MMP16: variants seen among roughly 807,000 people sequenced by gnomAD.
MMP16 encodes matrix metalloproteinase-16.
In MMP16, 12 loss-of-function variants were observed where a neutral mutation model predicts 67.8. The observed-to-expected ratio is 0.18, with a 90% CI of 0.11 to 0.29. MMP16 has a LOEUF of 0.29. Among genes scored for constraint, MMP16 ranks in the 10% least tolerant of loss-of-function variants. The probability of loss-of-function intolerance (pLI) is 1.00; values close to 1 mark genes in which losing one functional copy is unlikely to be tolerated. For synonymous variants in MMP16, 249 were observed against 255.9 expected (o/e 0.97, Z 0.26); for missense variants, 475 against 765.7 (o/e 0.62, Z 4.48).
At chr8:88,187,854 A>G (rs1355656683) in intron 2 of MMP16, among the ~76,000 whole-genome samples, 1 of 152,182 alleles carries the variant, frequency 6.6e-6, no homozygotes, top group Non-Finnish European at 1.5e-5. Context: ...ATTCCATCCT[A>G]GTTTAAATGC....
chr8:88,061,045 G>T (rs1489547587), intron 7 of MMP16, among the ~76,000 whole-genome samples: 1 of 151,646 alleles, frequency 6.6e-6, no homozygotes, highest in Admixed American at 6.6e-5. Context: ...ATTTATTTAA[G>T]TGATTATATT....
intron 6 of MMP16, among the ~76,000 whole-genome samples, chr8:88,078,221 A>G (rs1808684224): frequency 6.6e-6 from 1 of 152,180 alleles, no homozygotes; most frequent in African/African-American, 2.4e-5. Flanking sequence ...GTTGTGAAAA[A>G]AACAGTACTT....
intron 1 of MMP16, among the ~76,000 whole-genome samples, chr8:88,241,139 T>G (rs1810027361): frequency 6.6e-6 from 1 of 151,970 alleles, no homozygotes; most frequent in African/African-American, 2.4e-5. Context: ...GGATAGTTCT[T>G]AAAAAATAAA....
intron 1 of MMP16, among the ~76,000 whole-genome samples, chr8:88,302,880 G>T (rs772711967): frequency 6.6e-6 from 1 of 152,178 alleles, no homozygotes; most frequent in Non-Finnish European, 1.5e-5. Flanking sequence ...GAAAAGCAGG[G>T]AGGGGCAACA....
At chr8:88,096,606 G>A (rs1484398146) in intron 6 of MMP16, among the ~76,000 whole-genome samples, 1 of 151,728 alleles carries the variant, frequency 6.6e-6, no homozygotes, top group South Asian at 2.1e-4. Context: ...TTTCATCTGA[G>A]GCCTTAGGTA....
chr8:88,181,027 G>C (rs1276311621), intron 3 of MMP16, among the ~76,000 whole-genome samples: 1 of 152,048 alleles, frequency 6.6e-6, no homozygotes, highest in Non-Finnish European at 1.5e-5. Flanking sequence ...TAAGAATAGA[G>C]AGAGACTTCT....
At chr8:88,166,729 A>ATT (rs1199260404) in intron 4 of MMP16, among the ~76,000 whole-genome samples, 2 of 124,194 alleles carry the variant, frequency 1.6e-5, no homozygotes, top group African/African-American at 6.1e-5. Context: ...ATATATATAT[A>ATT]TTCTTAATTT....
At chr8:88,249,855 C>G (rs974773238) in intron 1 of MMP16, among the ~76,000 whole-genome samples, 1 of 152,050 alleles carries the variant, frequency 6.6e-6, no homozygotes, top group Non-Finnish European at 1.5e-5. Context: ...TCTAATATCC[C>G]AAAGCAAGAG....
At chr8:88,219,259 C>T (rs535829551) in intron 1 of MMP16, among the ~76,000 whole-genome samples, 28 of 152,010 alleles carry the variant, frequency 1.8e-4, no homozygotes, top group South Asian at 4.2e-4. Context: ...GAAGGAGCAT[C>T]GCACATCAGG....
chr8:88,183,998 A>G (rs959925118), intron 3 of MMP16, among the ~76,000 whole-genome samples: 1 of 152,126 alleles, frequency 6.6e-6, no homozygotes. Flanking sequence ...CGCCCACCTC[A>G]GCCTCCCAGA....
At chr8:88,053,731 A>C (rs1472126735) in intron 8 of MMP16, among the ~76,000 whole-genome samples, 1 of 152,120 alleles carries the variant, frequency 6.6e-6, no homozygotes, top group Non-Finnish European at 1.5e-5. Context: ...ACTGCTGTTC[A>C]CTCTGGAAAT....
intron 4 of MMP16, among the ~76,000 whole-genome samples, chr8:88,149,527 C>A (rs1187660893): frequency 1.3e-5 from 2 of 152,204 alleles, no homozygotes; most frequent in African/African-American, 4.8e-5. Context: ...AACGGGGGGA[C>A]TGCCTCCTCA....
At chr8:88,284,587 C>T (rs946694251) in intron 1 of MMP16, among the ~76,000 whole-genome samples, 1 of 151,794 alleles carries the variant, frequency 6.6e-6, no homozygotes, top group African/African-American at 2.4e-5. Context: ...AGTGTGAATA[C>T]CAGCATTGTA....
intron 4 of MMP16, among the ~76,000 whole-genome samples, chr8:88,130,921 G>A (rs145645865): frequency 6.6e-6 from 1 of 151,704 alleles, no homozygotes; most frequent in Non-Finnish European, 1.5e-5. Context: ...ACTTAAAAAT[G>A]TATTAGAAAT....
At chr8:88,268,871 T>C (rs1810520873) in intron 1 of MMP16, among the ~76,000 whole-genome samples, 1 of 152,142 alleles carries the variant, frequency 6.6e-6, no homozygotes. Flanking sequence ...ATTCTCTCCA[T>C]TCCCAGTGTG....
Position 88,163,197 on chromosome 8 carries a change from T to C in MMP16, c.709+4472A>G, listed in dbSNP as rs966572609. 1.9e-4 allele frequency among the ~76,000 whole-genome samples: 29 copies of C among 152,036 alleles called. 1 individual carries two copies. Among genetic ancestry groups the C allele is most frequent in the Non-Finnish European group, 7.4e-5 (5 of 67,984 alleles). On this transcript the variant is annotated intron_variant, in intron 4 of 9. Transcript: ENST00000286614. ...CATGTCAGTTACAGAAAGCTAACTC[T>C]CCAAGGTCAGCTTAAGTCCTGTCCG...
At chr8:88,211,863 C>T (rs1447682103) in intron 1 of MMP16, among the ~76,000 whole-genome samples, 3 of 152,064 alleles carry the variant, frequency 2.0e-5, no homozygotes, top group African/African-American at 7.2e-5. Flanking sequence ...ATTTACTTAC[C>T]GAAATGGTTG....
At chr8:88,106,007 C>T (rs201534599) in intron 6 of MMP16, among the ~76,000 whole-genome samples, 11,058 of 148,696 alleles carry the variant, frequency 0.074, 475 homozygotes, top group East Asian at 0.18. Flanking sequence ...AATACATATA[C>T]ACACACATGC....
chr8:88,231,159 C>A (rs1406111075), intron 1 of MMP16, among the ~76,000 whole-genome samples: 4 of 152,016 alleles, frequency 2.6e-5, no homozygotes, highest in Non-Finnish European at 5.9e-5. Flanking sequence ...CTTTTGGATT[C>A]TTCTTTGTAT....
Sources: gnomAD v4.1 joint callset for allele counts (sites outside exome capture counted in the v4.1 genomes callset) on GRCh38, gnomAD v4.1.1 for gene constraint, MANE v1.5 for transcripts, NCBI Gene and HGNC (gene_info 2026-07-23, HGNC 2026-07-21) for gene names.